Variants in TANC2 observed in about 807,000 individuals in gnomAD.
The protein encoded by TANC2 is protein TANC2.
In TANC2, 26 loss-of-function variants were observed where a neutral mutation model predicts 210.5. The observed-to-expected ratio is 0.12, with a 90% confidence interval of 0.09 to 0.17. The LOEUF is 0.17. Ranked by LOEUF, TANC2 falls within the 10% of genes least tolerant of loss-of-function variation. The probability of loss-of-function intolerance (pLI) is 1.00; values close to 1 mark genes in which losing one functional copy is unlikely to be tolerated. For synonymous variants in TANC2, 931 were observed against 967.1 expected (o/e 0.96, Z 0.69); for missense variants, 2,129 against 2,608.9 (o/e 0.82, Z 4.01).
At chr17:63,026,513 C>T (rs1045989967) in intron 2 of TANC2, among the ~76,000 whole-genome samples, 4 of 151,936 alleles carry the variant, frequency 2.6e-5, no homozygotes, top group African/African-American at 9.7e-5. Flanking sequence ...TTGAGGTAGA[C>T]TATATAAGAT....
chr17:63,359,064 G>A (rs1253313188), intron 14 of TANC2, among the ~76,000 whole-genome samples: 2 of 151,122 alleles, frequency 1.3e-5, no homozygotes, highest in Non-Finnish European at 2.9e-5. Context: ...TTTTTGTGGG[G>A]TTTGTTTTTA....
At chr17:63,050,469 A>G (rs2035543863) in intron 2 of TANC2, among the ~76,000 whole-genome samples, 1 of 152,200 alleles carries the variant, frequency 6.6e-6, no homozygotes, top group Non-Finnish European at 1.5e-5. Flanking sequence ...AACCATCAGC[A>G]TGATAAAACA....
intron 1 of TANC2, among the ~76,000 whole-genome samples, chr17:62,996,106 G>A (rs899316246): frequency 2.6e-5 from 4 of 152,256 alleles, no homozygotes; most frequent in African/African-American, 9.6e-5. Context: ...GTATTGGCTT[G>A]ATCCTATTAC....
chr17:63,023,552 G>T (rs550552357), intron 2 of TANC2, among the ~76,000 whole-genome samples: 1 of 152,198 alleles, frequency 6.6e-6, no homozygotes, highest in East Asian at 1.9e-4. Flanking sequence ...TGTCTGCTTT[G>T]TTCAGTTTGG....
intron 5 of TANC2, among the ~76,000 whole-genome samples, chr17:63,190,556 A>G (rs77556151): frequency 0.014 from 2,109 of 152,242 alleles, 23 homozygotes; most frequent in Non-Finnish European, 0.02. Flanking sequence ...TATAATTTTT[A>G]TGATCAGCTG....
intron 2 of TANC2, among the ~76,000 whole-genome samples, chr17:63,057,528 G>C (rs550726315): frequency 9.2e-5 from 14 of 152,196 alleles, no homozygotes; most frequent in Middle Eastern, 6.8e-3. Context: ...TCATCACCCA[G>C]GAACTAGGCC....
chr17:63,275,575 C>A (rs1466822620), intron 9 of TANC2, among the ~76,000 whole-genome samples: 1 of 152,108 alleles, frequency 6.6e-6, no homozygotes, highest in Non-Finnish European at 1.5e-5. Flanking sequence ...CCTGAGGTTG[C>A]TTAGTCATCT....
At chr17:63,373,426 T>TC (rs746654503) in intron 14 of TANC2, among the ~76,000 whole-genome samples, 4 of 152,250 alleles carry the variant, frequency 2.6e-5, no homozygotes, top group Non-Finnish European at 5.9e-5. Flanking sequence ...GGATTTTTTT[T>TC]CACACAAGTG....
At chr17:63,373,812 C>T (rs2047341607) in intron 14 of TANC2, among the ~76,000 whole-genome samples, 1 of 152,096 alleles carries the variant, frequency 6.6e-6, no homozygotes, top group African/African-American at 2.4e-5. Context: ...AAAACCCCAT[C>T]TCTACTAAAA....
intron 6 of TANC2, among the ~76,000 whole-genome samples, chr17:63,199,921 A>G (rs1371183427): frequency 6.6e-6 from 1 of 152,234 alleles, no homozygotes; most frequent in East Asian, 1.9e-4. Context: ...GTTTTATTAG[A>G]CAAACTTTTA....
rs573384077 is a variant in TANC2, at chr17:63,016,354, A to G, written c.67+6728A>G. The stretch of plus-strand genomic sequence containing the variant: ...CATTTTGGGAGGCCAAGGTAGGAGG[A>G]TCATGAGATCAGCACTTCGAGACCA... On this transcript the variant is annotated intron_variant, in intron 2 of 27. Coordinates refer to ENST00000689528, the Ensembl canonical transcript of TANC2. 5.3e-5 allele frequency among the ~76,000 whole-genome samples: 8 copies of G among 152,304 alleles called. No individual in the cohort carries two copies. The East Asian group carries it at 1.5e-3, about 29-fold the overall frequency.
intron 2 of TANC2, among the ~76,000 whole-genome samples, chr17:63,072,681 A>G (rs1209404031): frequency 6.6e-6 from 1 of 152,062 alleles, no homozygotes; most frequent in Non-Finnish European, 1.5e-5. Flanking sequence ...GTGGACTAAG[A>G]GATATGAATA....
rs567402461 is a variant in TANC2, at chr17:63,040,721, A to G, written c.67+31095A>G. Among the ~76,000 whole-genome samples the G allele has an allele frequency of 5.9e-5, 9 of 152,294 alleles. No homozygotes were observed. The East Asian group carries it at 1.4e-3, about 23-fold the overall frequency. On this transcript the variant is annotated intron_variant, in intron 2 of 27. Transcript: ENST00000689528. Reference sequence around the variant, plus strand: ...TATTTAAGTTATGCAGCATTTATCTATGGCAGAGAGAGATAGAGAATATGT... The same window carrying G: ...TATTTAAGTTATGCAGCATTTATCTGTGGCAGAGAGAGATAGAGAATATGT...
chr17:63,370,388 C>T (rs1350279745), intron 14 of TANC2, among the ~76,000 whole-genome samples: 1 of 151,922 alleles, frequency 6.6e-6, no homozygotes, highest in Admixed American at 6.6e-5. Context: ...CCATGTTAGC[C>T]AGGATGGTTT....
chr17:63,327,048 T>TC (rs2045671544), intron 11 of TANC2, among the ~76,000 whole-genome samples: 1 of 151,990 alleles, frequency 6.6e-6, no homozygotes, highest in Non-Finnish European at 1.5e-5. Flanking sequence ...AACAACCTGA[T>TC]TAAAAAAATG....
intron 9 of TANC2, among the ~76,000 whole-genome samples, chr17:63,277,813 AG>A (rs2043931105): frequency 6.6e-6 from 1 of 152,012 alleles, no homozygotes; most frequent in African/African-American, 2.4e-5. Flanking sequence ...AAAAAAACAA[AG>A]ACTAAAATTA....
chr17:63,358,376 A>AGAGAGAGAGTGTGTGTGTGTGTGT (rs1470682571), intron 14 of TANC2, among the ~76,000 whole-genome samples: 2 of 80,942 alleles, frequency 2.5e-5, no homozygotes, highest in African/African-American at 3.7e-5. Flanking sequence ...AGAGAGAGAG[A>AGAGAGAGAGTGTGTGTGTGTGTGT]GTATGTGTGT....
intron 3 of TANC2, among the ~76,000 whole-genome samples, chr17:63,093,010 C>T (rs748428555): frequency 2.0e-5 from 3 of 152,094 alleles, no homozygotes; most frequent in Non-Finnish European, 2.9e-5. Flanking sequence ...ATGTGTTTTG[C>T]AAGTATTTTC....
At chr17:63,389,061 C>T (rs1599007478) in intron 16 of TANC2, among the ~76,000 whole-genome samples, 1 of 152,084 alleles carries the variant, frequency 6.6e-6, no homozygotes, top group African/African-American at 2.4e-5. Flanking sequence ...GAGCTCACTT[C>T]GTAGAGACTA....
Sources: gnomAD v4.1 joint callset for allele counts (sites outside exome capture counted in the v4.1 genomes callset) on GRCh38, gnomAD v4.1.1 for gene constraint, MANE v1.5 for transcripts, NCBI Gene and HGNC (gene_info 2026-07-23, HGNC 2026-07-21) for gene names.